GRM5: variants seen among roughly 807,000 people sequenced by gnomAD.
GRM5 encodes the protein glutamate metabotropic receptor 5, also known as metabotropic glutamate receptor 5.
In GRM5, 19 loss-of-function variants were observed where a neutral mutation model predicts 83.1. The ratio of observed to expected loss-of-function variants is 0.23; its 90% confidence interval spans 0.16 to 0.34. The LOEUF (loss-of-function observed/expected upper bound fraction) is 0.34. GRM5 is among the 10% of genes least tolerant of loss of function. GRM5 has a pLI of 1.00. For missense variants in GRM5, 1,160 were observed against 1,588.3 expected (o/e 0.73, Z 4.58); for synonymous variants, 675 against 633.6 (o/e 1.07, Z -0.98).
At chr11:88,776,297 T>C (rs1296411853) in intron 3 of GRM5, among the ~76,000 whole-genome samples, 1 of 152,198 alleles carries the variant, frequency 6.6e-6, no homozygotes, top group Non-Finnish European at 1.5e-5. Context: ...GTTTGGTAGA[T>C]CTTCCTCCAT....
intron 2 of GRM5, among the ~76,000 whole-genome samples, chr11:88,985,369 T>A (rs1243840460): frequency 4.6e-5 from 7 of 152,118 alleles, no homozygotes; most frequent in Admixed American, 4.6e-4. Flanking sequence ...GTGATTCTTC[T>A]GAGTATAAAC....
At chr11:88,934,481 T>C (rs1352949705) in intron 2 of GRM5, among the ~76,000 whole-genome samples, 1 of 151,732 alleles carries the variant, frequency 6.6e-6, no homozygotes, top group African/African-American at 2.4e-5. Context: ...CAGGACCCAA[T>C]GCTGAAATAA....
In GRM5 at chr11:89,047,695, C is replaced by G; in HGVS notation, c.178G>C (p.Val60Leu). The G allele has an allele frequency of 6.2e-7, 1 of 1,614,062 alleles. No homozygotes were observed. Among genetic ancestry groups the G allele is most frequent in the Non-Finnish European group, 8.5e-7 (1 of 1,179,998 alleles). ...CTCTGAATGCCATACTGTTCACGGA[C>G]CGCCCCACACTTCCTCTCATGAACT... is the stretch of plus-strand genomic sequence containing the variant. Reference protein sequence around the residue: ...DKVHERKCGAVREQYGIQRVE... With the variant: ...DKVHERKCGALREQYGIQRVE... Residue 60 changes from valine (V) to leucine (L), a missense_variant, in exon 2 of 10, where the codon GTC becomes CTC. Physicochemically the swap from Val to Leu is conservative, Grantham distance 32. Coordinates refer to ENST00000305447, the MANE Select transcript of GRM5 (RefSeq NM_001143831.3). This position sits in a 1 kb window ranked among gnomAD's most constrained non-coding sequence, Gnocchi z 5.1.
rs1338607239 is a variant in GRM5 at position 88,627,346 on chromosome 11, T to C, written c.1148-22382A>G. ...CATTATCACATTTATTAATATGAGA[T>C]ACATGAGTTTACCCTATAATTTCTT... On this transcript the variant is annotated intron_variant, in intron 4 of 9. Transcript: ENST00000305447. 2.5e-5 allele frequency among the ~76,000 whole-genome samples: 3 copies of C among 118,022 alleles called. No homozygotes were observed. The Admixed American group carries it at 2.7e-4, about 11-fold the overall frequency. 77.4% of individuals were successfully genotyped at this position (118,022 alleles called of 152,430 possible).
chr11:88,728,025 T>C (rs1941721842), intron 3 of GRM5, among the ~76,000 whole-genome samples: 1 of 151,530 alleles, frequency 6.6e-6, no homozygotes. Context: ...ATAACTTAGA[T>C]CAGAGGAAAA....
At chr11:88,633,932 G>C (rs1591397146) in intron 4 of GRM5, among the ~76,000 whole-genome samples, 1 of 152,154 alleles carries the variant, frequency 6.6e-6, no homozygotes, top group African/African-American at 2.4e-5. Flanking sequence ...ACATCTTAGA[G>C]GGTGGTTATG....
At chr11:88,827,540 T>C (rs984761316) in intron 3 of GRM5, among the ~76,000 whole-genome samples, 2 of 152,348 alleles carry the variant, frequency 1.3e-5, no homozygotes, top group South Asian at 4.1e-4. Flanking sequence ...CTAACACTCT[T>C]TGAACAGCTG....
At chr11:88,716,724 C>T (rs1169541385) in intron 3 of GRM5, among the ~76,000 whole-genome samples, 1 of 151,876 alleles carries the variant, frequency 6.6e-6, no homozygotes, top group African/African-American at 2.4e-5. Flanking sequence ...TCTCATTTTC[C>T]AGTAGGGAAA....
intron 3 of GRM5, among the ~76,000 whole-genome samples, chr11:88,735,776 G>A (rs941840672): frequency 1.3e-5 from 2 of 152,010 alleles, no homozygotes; most frequent in Non-Finnish European, 2.9e-5. Context: ...ATGTCAGACC[G>A]TTCGGGAGAC....
At chr11:88,565,953 T>G (rs531916636) in intron 8 of GRM5, among the ~76,000 whole-genome samples, 1 of 152,226 alleles carries the variant, frequency 6.6e-6, no homozygotes, top group South Asian at 2.1e-4. Context: ...TAATAAGTCA[T>G]ACTTTGAAGA....
chr11:88,977,056 C>A (rs540197656), intron 2 of GRM5, among the ~76,000 whole-genome samples: 1 of 151,550 alleles, frequency 6.6e-6, no homozygotes, highest in Non-Finnish European at 1.5e-5. Context: ...TAGAGTCTAG[C>A]AAGATTTTAT....
chr11:89,039,281 AT>A (rs200692925), intron 2 of GRM5, among the ~76,000 whole-genome samples: 3 of 97,116 alleles, frequency 3.1e-5, no homozygotes, highest in Admixed American at 1.0e-4. Context: ...AAAAAAAAAT[AT>A]ATATATATAT....
intron 3 of GRM5, among the ~76,000 whole-genome samples, chr11:88,737,074 G>T (rs1301995997): frequency 6.6e-6 from 1 of 152,050 alleles, no homozygotes; most frequent in Non-Finnish European, 1.5e-5. Context: ...GAGGAAGAAG[G>T]AGAAATTGAA....
chr11:88,699,329 C>T (rs1052418645), intron 3 of GRM5, among the ~76,000 whole-genome samples: 1 of 152,150 alleles, frequency 6.6e-6, no homozygotes, highest in African/African-American at 2.4e-5. Flanking sequence ...AGATCCCAAG[C>T]AGGGTTGAGA....
intron 2 of GRM5, among the ~76,000 whole-genome samples, chr11:88,909,370 C>A (rs376370937): frequency 8.0e-5 from 12 of 150,790 alleles, no homozygotes; most frequent in East Asian, 7.9e-4. Flanking sequence ...AAAAGTGTCT[C>A]CAGACTCGTT....
At chr11:88,758,211 A>T (rs910170932) in intron 3 of GRM5, among the ~76,000 whole-genome samples, 2 of 152,176 alleles carry the variant, frequency 1.3e-5, no homozygotes, top group Non-Finnish European at 2.9e-5. Flanking sequence ...CTACCTCTCC[A>T]GCAAAGTGTT....
At chr11:88,958,947 CAA>C (rs1416449317) in intron 2 of GRM5, among the ~76,000 whole-genome samples, 1 of 151,946 alleles carries the variant, frequency 6.6e-6, no homozygotes, top group East Asian at 1.9e-4. Context: ...AAAAAGTTTG[CAA>C]AGTGTCAGAC....
chr11:88,606,643 C>A (rs1938150138), intron 4 of GRM5, among the ~76,000 whole-genome samples: 1 of 152,180 alleles, frequency 6.6e-6, no homozygotes, highest in Admixed American at 6.5e-5. Context: ...AAAGACCAAT[C>A]TGGCTACATT....
At chr11:89,009,773 C>A (rs1283528855) in intron 2 of GRM5, among the ~76,000 whole-genome samples, 15 of 150,374 alleles carry the variant, frequency 1.0e-4, no homozygotes, top group African/African-American at 3.4e-4. Context: ...TGGTAGCGGG[C>A]GCCTGTAGTC....
Sources: allele counts gnomAD v4.1 joint callset (sites outside exome capture counted in the v4.1 genomes callset), GRCh38; gene constraint gnomAD v4.1.1; non-coding constraint Gnocchi (gnomAD v3.1); transcripts MANE v1.5; gene names NCBI Gene and HGNC (gene_info 2026-07-23, HGNC 2026-07-21).